COL5A1: variants seen among roughly 807,000 people sequenced by gnomAD.
COL5A1 encodes the protein collagen alpha-1(V) chain.
COL5A1 carries 16 observed loss-of-function variants against 263.7 expected under a neutral mutation model. That is an observed-to-expected ratio of 0.06 (90% CI 0.04 to 0.09). COL5A1 has a LOEUF of 0.09. Among genes scored for constraint, COL5A1 ranks in the 10% least tolerant of loss-of-function variants. COL5A1 has a pLI of 1.00. For synonymous variants in COL5A1, 1,012 were observed against 1,004.5 expected (o/e 1.01, Z -0.14); for missense variants, 2,036 against 2,540.5 (o/e 0.80, Z 4.27).
intron 18 of COL5A1, among the ~76,000 whole-genome samples, chr9:134,759,259 C>T (rs72774426): frequency 0.032 from 3,840 of 118,202 alleles, 57 homozygotes; most frequent in East Asian, 0.08. Flanking sequence ...CATGTGTGCG[C>T]GCACACACTC....
rs1833098979 is a variant in COL5A1, at chr9:134,686,949, T to C, written c.110-3963T>C. 6.6e-6 allele frequency among the ~76,000 whole-genome samples: 1 copy of C among 152,176 alleles called. No individual in the cohort carries two copies. Among genetic ancestry groups the C allele is most frequent in the East Asian group, 1.9e-4 (1 of 5,174 alleles). On this transcript the variant is annotated intron_variant, in intron 1 of 65. Transcript: ENST00000371817. This position sits in a 1 kb window ranked among gnomAD's most constrained non-coding sequence, Gnocchi z 4.6. Reference sequence around the variant, plus strand: ...GAGCAAGCCACGATGGGGAAAGGGATTGAATGCAGGGAGTCAGGTGGATAC... The same window carrying C: ...GAGCAAGCCACGATGGGGAAAGGGACTGAATGCAGGGAGTCAGGTGGATAC...
Position 134,818,125 on chromosome 9 carries a change from T to C in COL5A1, c.4230+294T>C, listed in dbSNP as rs1406887687. Among the ~76,000 whole-genome samples the C allele has an allele frequency of 6.6e-6, 1 of 152,212 alleles. No individual in the cohort carries two copies. The highest frequency in any genetic ancestry group is 1.5e-5 in the Non-Finnish European group (1 of 68,028). On this transcript the variant is annotated intron_variant, in intron 54 of 65. Coordinates refer to ENST00000371817, the MANE Select transcript of COL5A1 (RefSeq NM_000093.5). The surrounding 1 kb of genome is among the most constrained non-coding windows in gnomAD (Gnocchi z 6.0). ...TGAGTAGTTATGTCCCCCGGAGCCCTGCGACCTCATGCCTGGTCTTTGAGT... is the reference window on the plus strand; with the variant it reads ...TGAGTAGTTATGTCCCCCGGAGCCCCGCGACCTCATGCCTGGTCTTTGAGT...
intron 43 of COL5A1, among the ~76,000 whole-genome samples, chr9:134,809,867 C>T (rs1025144675): frequency 1.3e-5 from 2 of 152,292 alleles, no homozygotes; most frequent in South Asian, 2.1e-4. Flanking sequence ...CTTACATCTC[C>T]GGGCGGGAGA....
chr9:134,691,220 T>A (rs1392437748), intron 2 of COL5A1, 141 bp downstream of exon 2: 2 of 1,089,594 alleles, frequency 1.8e-6, no homozygotes, highest in Non-Finnish European at 2.7e-6. Context: ...CGGCTTCGTT[T>A]CACTGTAGTG....
chr9:134,798,506 A>T, intron 37 of COL5A1, 45 bp downstream of exon 37: 1 of 1,582,772 alleles, frequency 6.3e-7, no homozygotes, highest in Non-Finnish European at 8.7e-7. Flanking sequence ...TGGCTCTCTG[A>T]CCACCCTGCA....
intron 4 of COL5A1, among the ~76,000 whole-genome samples, chr9:134,704,393 C>T (rs1833773051): frequency 6.6e-6 from 1 of 152,178 alleles, no homozygotes; most frequent in Non-Finnish European, 1.5e-5. Context: ...CCTTTATCAG[C>T]AAAGGATGAA....
At chr9:134,768,360 A>G (rs1187300185) in intron 24 of COL5A1, 50 bp from the exon 25 acceptor site, 1 of 1,507,564 alleles carries the variant, frequency 6.6e-7, no homozygotes, top group African/African-American at 1.4e-5. Context: ...CGGAGAGGTC[A>G]GGTGAGCCTA....
In COL5A1 at chr9:134,652,054, C is replaced by T. The variant is rs1831706061; in HGVS notation, c.109+9758C>T. Among the ~76,000 whole-genome samples the T allele has an allele frequency of 6.6e-6, 1 of 152,136 alleles. No individual in the cohort carries two copies. Among genetic ancestry groups the T allele is most frequent in the South Asian group, 2.1e-4 (1 of 4,822 alleles). On this transcript the variant is annotated intron_variant, in intron 1 of 65. Transcript: ENST00000371817. The surrounding 1 kb of genome is among the most constrained non-coding windows in gnomAD (Gnocchi z 4.4). ...TAAGGAAAGGAGAAAGTGACACTGA[C>T]TCTTCTCAGAGCCTTTGGCTACAGA...
chr9:134,783,231 G>T (rs911796568), intron 29 of COL5A1, among the ~76,000 whole-genome samples: 1 of 152,230 alleles, frequency 6.6e-6, no homozygotes, highest in African/African-American at 2.4e-5. Flanking sequence ...CAGTTCTTCA[G>T]GGTCCCTGGG....
At chr9:134,780,283 G>A (rs1837204214) in intron 28 of COL5A1, 137 bp downstream of exon 28, 2 of 850,654 alleles carry the variant, frequency 2.4e-6, no homozygotes, top group Non-Finnish European at 4.0e-6. Flanking sequence ...GGGGATGGAT[G>A]CCACTCTGTG....
intron 4 of COL5A1, among the ~76,000 whole-genome samples, chr9:134,705,859 C>A (rs1833819052): frequency 6.6e-6 from 1 of 152,208 alleles, no homozygotes; most frequent in Non-Finnish European, 1.5e-5. Context: ...AAAGATGAGA[C>A]CCCTGGGCCT....
chr9:134,689,306 T>A (rs1367038521), intron 1 of COL5A1, among the ~76,000 whole-genome samples: 1 of 152,178 alleles, frequency 6.6e-6, no homozygotes, highest in Admixed American at 6.5e-5. Context: ...GACTTTCCTC[T>A]TGAGCCCGTC....
chr9:134,817,610 C>T (rs929729663), intron 53 of COL5A1, among the ~76,000 whole-genome samples, 168 bp from the exon 54 acceptor site: 9 of 152,106 alleles, frequency 5.9e-5, no homozygotes, highest in African/African-American at 1.9e-4. Flanking sequence ...GCCTCCATGA[C>T]CCTGCACCCC....
At chr9:134,648,012 C>T (rs1831533270) in intron 1 of COL5A1, among the ~76,000 whole-genome samples, 1 of 152,104 alleles carries the variant, frequency 6.6e-6, no homozygotes, top group Admixed American at 6.6e-5. Context: ...ACATTTGAAT[C>T]AGTGGGCTGG....
chr9:134,664,986 G>A (rs574874229), intron 1 of COL5A1, among the ~76,000 whole-genome samples: 2 of 152,132 alleles, frequency 1.3e-5, no homozygotes, highest in Admixed American at 1.3e-4. Context: ...ATCACTTGAG[G>A]TCAGGAGTTC....
chr9:134,680,791 C>G lies in COL5A1; in HGVS notation c.110-10121C>G, dbSNP rs1005879893. ...CAGGGGCAGAAGGACGGGTGAGGGCCGGGACTTTGACATCAGGCAGAGGAG... is the reference window on the plus strand; with the variant it reads ...CAGGGGCAGAAGGACGGGTGAGGGCGGGGACTTTGACATCAGGCAGAGGAG... On this transcript the variant is annotated intron_variant, in intron 1 of 65. Transcript: ENST00000371817. The surrounding 1 kb of genome is among the most constrained non-coding windows in gnomAD (Gnocchi z 5.9). Among the ~76,000 whole-genome samples the G allele has an allele frequency of 6.6e-6, 1 of 152,154 alleles. No homozygotes were observed. The highest frequency in any genetic ancestry group is 1.5e-5 in the Non-Finnish European group (1 of 68,030).
rs115626510 is a variant in COL5A1 at position 134,719,049 on chromosome 9, G to A, written c.655-8217G>A. Among the ~76,000 whole-genome samples the A allele has an allele frequency of 3.0e-3, 461 of 152,314 alleles. 2 individuals are homozygous for A. Among genetic ancestry groups the A allele is most frequent in the African/African-American group, 0.011 (445 of 41,568 alleles). On this transcript the variant is annotated intron_variant, in intron 4 of 65. Transcript: ENST00000371817. ...CTGACATGTCAACACAACCTGTCAC[G>A]TTGGAGCGGGGAAGTGGGGTGGGCT... is the stretch of plus-strand genomic sequence containing the variant.
chr9:134,666,743 G>A (rs985729923), intron 1 of COL5A1, among the ~76,000 whole-genome samples: 2 of 152,196 alleles, frequency 1.3e-5, no homozygotes, highest in African/African-American at 4.8e-5. Flanking sequence ...TCTGCCAGCG[G>A]GTATGGGGAC....
intron 1 of COL5A1, among the ~76,000 whole-genome samples, chr9:134,648,132 A>G (rs973979054): frequency 2.0e-5 from 3 of 151,900 alleles, no homozygotes; most frequent in African/African-American, 7.3e-5. Flanking sequence ...CTCCCAGCCT[A>G]CATCTTTCTC....
Sources: allele counts gnomAD v4.1 joint callset (sites outside exome capture counted in the v4.1 genomes callset), GRCh38; gene constraint gnomAD v4.1.1; non-coding constraint Gnocchi (gnomAD v3.1); transcripts MANE v1.5; gene names NCBI Gene and HGNC (gene_info 2026-07-23, HGNC 2026-07-21).